The following AKAP6 variants were observed in gnomAD, a reference collection of about 807,000 sequenced individuals.
AKAP6 encodes A-kinase anchoring protein 6.
Under a neutral mutation model 188.5 loss-of-function variants are expected in AKAP6, and 58 were observed. The ratio of observed to expected loss-of-function variants is 0.31; its 90% CI spans 0.25 to 0.38. AKAP6 has a LOEUF of 0.38. Among genes scored for constraint, AKAP6 ranks in the 10% least tolerant of loss-of-function variants. AKAP6 has a pLI of 1.00. For synonymous variants in AKAP6, 989 were observed against 998.6 expected (o/e 0.99, Z 0.18); for missense variants, 2,710 against 2,740.0 (o/e 0.99, Z 0.24).
intron 11 of AKAP6, among the ~76,000 whole-genome samples, chr14:32,736,321 A>C (rs187291008): frequency 2.6e-4 from 40 of 152,300 alleles, no homozygotes; most frequent in African/African-American, 9.6e-4. Context: ...TTTACATATG[A>C]AAGAGTCAAC....
At chr14:32,359,978 A>T (rs1887605111) in intron 1 of AKAP6, among the ~76,000 whole-genome samples, 1 of 152,154 alleles carries the variant, frequency 6.6e-6, no homozygotes, top group Non-Finnish European at 1.5e-5. Flanking sequence ...CAAGTCACTG[A>T]GTTCAGTCAC....
intron 2 of AKAP6, among the ~76,000 whole-genome samples, chr14:32,482,989 GTATATATA>G (rs199759517): frequency 1.2e-5 from 1 of 84,372 alleles, no homozygotes; most frequent in Non-Finnish European, 2.1e-5. Flanking sequence ...GTGTGTGTGT[GTATATATA>G]TATATATATA....
intron 8 of AKAP6, among the ~76,000 whole-genome samples, chr14:32,685,531 T>C (rs572889284): frequency 6.6e-6 from 1 of 152,018 alleles, no homozygotes; most frequent in African/African-American, 2.4e-5. Context: ...GAGACCATCC[T>C]GGCCAACATG....
chr14:32,545,101 C>G (rs1189935878), intron 3 of AKAP6, 129 bp from the exon 4 acceptor site: 14 of 845,962 alleles, frequency 1.7e-5, no homozygotes, highest in Non-Finnish European at 2.6e-5. Context: ...TTGTGTATGT[C>G]AAACCACAAG....
chr14:32,806,065 C>T (rs972654082), intron 12 of AKAP6, among the ~76,000 whole-genome samples: 3 of 152,050 alleles, frequency 2.0e-5, no homozygotes, highest in Admixed American at 1.3e-4. Flanking sequence ...AAGGATGGTT[C>T]GTTGTATGTT....
chr14:32,742,377 T>G (rs2031719839), intron 11 of AKAP6, among the ~76,000 whole-genome samples: 1 of 151,980 alleles, frequency 6.6e-6, no homozygotes, highest in Non-Finnish European at 1.5e-5. Flanking sequence ...ATTTCTGCTC[T>G]GATCTTCATT....
chr14:32,756,590 T>C (rs1488009909), intron 11 of AKAP6, among the ~76,000 whole-genome samples: 1 of 152,096 alleles, frequency 6.6e-6, no homozygotes, highest in Non-Finnish European at 1.5e-5. Flanking sequence ...CTATGGATGC[T>C]GACCTGAAGC....
intron 7 of AKAP6, among the ~76,000 whole-genome samples, chr14:32,621,252 T>C (rs554073279): frequency 6.6e-6 from 1 of 152,096 alleles, no homozygotes; most frequent in Non-Finnish European, 1.5e-5. Flanking sequence ...CTCTACTTTC[T>C]TGAGGTGTGG....
intron 7 of AKAP6, among the ~76,000 whole-genome samples, chr14:32,650,671 A>G (rs946933890): frequency 2.0e-5 from 3 of 152,116 alleles, no homozygotes; most frequent in African/African-American, 7.2e-5. Flanking sequence ...CATGTCACCT[A>G]AAAAAGAAAA....
intron 2 of AKAP6, among the ~76,000 whole-genome samples, chr14:32,481,023 G>C: frequency 6.6e-6 from 1 of 152,164 alleles, no homozygotes; most frequent in Non-Finnish European, 1.5e-5. Context: ...TGACAACTTG[G>C]TCTGTATTCT....
chr14:32,567,137 TC>T (rs2139227734), intron 4 of AKAP6, among the ~76,000 whole-genome samples: 1 of 152,222 alleles, frequency 6.6e-6, no homozygotes, highest in South Asian at 2.1e-4. Context: ...CCCAGGCTGG[TC>T]TCAAACTCCT....
intron 7 of AKAP6, among the ~76,000 whole-genome samples, chr14:32,640,216 G>A (rs1887696104): frequency 6.6e-6 from 1 of 151,800 alleles, no homozygotes; most frequent in Non-Finnish European, 1.5e-5. Flanking sequence ...ATCCTAATCA[G>A]GATTAGCTTT....
intron 7 of AKAP6, among the ~76,000 whole-genome samples, chr14:32,620,583 T>C (rs1284024293): frequency 6.6e-6 from 1 of 152,114 alleles, no homozygotes; most frequent in East Asian, 1.9e-4. Context: ...TTGTTGAGGA[T>C]TTTTGCATCT....
intron 12 of AKAP6, among the ~76,000 whole-genome samples, chr14:32,802,771 A>G (rs2033984258): frequency 6.6e-6 from 1 of 152,188 alleles, no homozygotes; most frequent in Non-Finnish European, 1.5e-5. Flanking sequence ...CTTTAAGAGT[A>G]TTTAACATCC....
At chr14:32,583,692 C>A (rs1026354997) in intron 5 of AKAP6, among the ~76,000 whole-genome samples, 1 of 152,088 alleles carries the variant, frequency 6.6e-6, no homozygotes, top group Non-Finnish European at 1.5e-5. Context: ...GGTGCCCCTC[C>A]CCCAGCCTCG....
chr14:32,548,356 C>T (rs797012913), intron 4 of AKAP6, among the ~76,000 whole-genome samples: 65 of 152,118 alleles, frequency 4.3e-4, no homozygotes, highest in African/African-American at 1.5e-3. Flanking sequence ...CCTGCCTTGG[C>T]ATCCCAAAGT....
intron 4 of AKAP6, among the ~76,000 whole-genome samples, chr14:32,573,115 TA>T (rs1180381121): frequency 7.9e-5 from 12 of 152,066 alleles, no homozygotes; most frequent in Admixed American, 1.3e-4. Flanking sequence ...CAAAGAAAAG[TA>T]ATGGAAGAAG....
At chr14:32,484,260 T>G in intron 2 of AKAP6, 1 of 110,138 alleles carries the variant, frequency 9.1e-6, no homozygotes, top group Non-Finnish European at 1.4e-5. Flanking sequence ...AAAAGGGGTG[T>G]TTGGTATTGG....
intron 1 of AKAP6, chr14:32,375,838 T>G (rs1478043744): frequency 6.6e-6 from 1 of 152,150 alleles, no homozygotes; most frequent in Non-Finnish European, 1.5e-5. Context: ...TGCCTTAACA[T>G]AGTGGCTAAG....
Sources: gnomAD v4.1 joint callset for allele counts (sites outside exome capture counted in the v4.1 genomes callset) on GRCh38, gnomAD v4.1.1 for gene constraint, MANE v1.5 for transcripts, NCBI Gene and HGNC (gene_info 2026-07-23, HGNC 2026-07-21) for gene names.